The following NAV3 variants were observed in gnomAD, a reference collection of about 807,000 sequenced individuals.
NAV3 encodes neuron navigator 3, also known as pore membrane and/or filament interacting like protein 1.
In NAV3, 87 loss-of-function variants were observed where a neutral mutation model predicts 244.7. The ratio of observed to expected loss-of-function variants is 0.36; its 90% CI spans 0.30 to 0.42. NAV3 has a LOEUF of 0.42. Among genes scored for constraint, NAV3 ranks in the 20% least tolerant of loss-of-function variants. The pLI is 1.00. For missense variants in NAV3, 2,663 were observed against 2,893.3 expected (o/e 0.92, Z 1.83); for synonymous variants, 1,126 against 1,042.2 (o/e 1.08, Z -1.55).
At chr12:78,057,104 C>G (rs1883622072) in intron 11 of NAV3, among the ~76,000 whole-genome samples, 1 of 152,120 alleles carries the variant, frequency 6.6e-6, no homozygotes, top group Non-Finnish European at 1.5e-5. Flanking sequence ...AGAGAAAGGC[C>G]TCTTACTCAT....
At chr12:77,858,038 A>G (rs998272186) in intron 1 of NAV3, among the ~76,000 whole-genome samples, 2 of 152,098 alleles carry the variant, frequency 1.3e-5, no homozygotes, top group Non-Finnish European at 1.5e-5. Flanking sequence ...GAGACAAAAT[A>G]CAATCCATAT....
intron 2 of NAV3, among the ~76,000 whole-genome samples, chr12:77,790,215 A>T (rs12427102): frequency 0.37 from 55,774 of 152,090 alleles, 11,056 homozygotes; most frequent in East Asian, 0.48. Context: ...TACAACTGAG[A>T]TGCACAGTGG....
At chr12:77,735,304 T>C (rs1045248009) in intron 2 of NAV3, among the ~76,000 whole-genome samples, 1 of 152,154 alleles carries the variant, frequency 6.6e-6, no homozygotes, top group African/African-American at 2.4e-5. Flanking sequence ...CCTCTGAGTA[T>C]AAACATTTGG....
At chr12:77,668,798 C>T (rs965611814) in intron 2 of NAV3, among the ~76,000 whole-genome samples, 1 of 152,222 alleles carries the variant, frequency 6.6e-6, no homozygotes, top group Non-Finnish European at 1.5e-5. Context: ...GCTCAAAGAA[C>T]CACCTGGGAA....
At chr12:77,936,368 G>T (rs1180394236) in intron 1 of NAV3, among the ~76,000 whole-genome samples, 1 of 152,108 alleles carries the variant, frequency 6.6e-6, no homozygotes, top group Non-Finnish European at 1.5e-5. Flanking sequence ...TAGATGGGAT[G>T]ATATTTATAT....
At chr12:78,136,123 C>G (rs370074965) in intron 18 of NAV3, among the ~76,000 whole-genome samples, 1 of 152,242 alleles carries the variant, frequency 6.6e-6, no homozygotes, top group East Asian at 1.9e-4. Flanking sequence ...AAGTTTAGTG[C>G]CTGTGTCACA....
intron 3 of NAV3, among the ~76,000 whole-genome samples, chr12:77,945,002 A>G (rs1006769770): frequency 6.6e-6 from 1 of 152,180 alleles, no homozygotes; most frequent in Non-Finnish European, 1.5e-5. Flanking sequence ...GGCATTGATT[A>G]CCTGTATGTG....
At chr12:77,848,744 T>C (rs1395471206) in intron 1 of NAV3, among the ~76,000 whole-genome samples, 2 of 152,194 alleles carry the variant, frequency 1.3e-5, no homozygotes, top group African/African-American at 4.8e-5. Context: ...TGCCTTATTA[T>C]CTGTTGAACA....
chr12:78,097,823 T>G (rs917030526), intron 12 of NAV3, among the ~76,000 whole-genome samples: 5 of 152,148 alleles, frequency 3.3e-5, no homozygotes, highest in African/African-American at 1.2e-4. Flanking sequence ...AGCTTTTTTA[T>G]TTTTACATAA....
chr12:77,581,603 A>G lies in NAV3; in HGVS notation c.72+9337A>G, dbSNP rs144595170. On this transcript the variant is annotated intron_variant, in intron 2 of 8. Transcript: ENST00000550042. ...CTCCAGTATATTCAGACATTTCTAC[A>G]TATTAGCTTGCTAGTTTCCAGTAAA... 7.4e-3 allele frequency among the ~76,000 whole-genome samples: 1,130 copies of G among 152,296 alleles called. 13 individuals are homozygous for G. The highest frequency in any genetic ancestry group is 0.026 in the African/African-American group (1,078 of 41,564).
In NAV3 at chr12:78,028,539, G is replaced by A. The variant is rs1472660546; in HGVS notation, c.2023+6677G>A. ...TACAGGAAGTAAGGATGCCAAGGAC[G>A]GAGTAACTGAGATTGGATGTACTTA... On this transcript the variant is annotated intron_variant, in intron 9 of 39. Coordinates refer to ENST00000397909, the MANE Select transcript of NAV3 (RefSeq NM_001024383.2). Among the ~76,000 whole-genome samples, 8 of 152,244 alleles carry A rather than the reference G, an allele frequency of 5.3e-5. No individual in the cohort carries two copies. The East Asian group carries it at 9.6e-4, about 18-fold the overall frequency.
intron 2 of NAV3, among the ~76,000 whole-genome samples, chr12:77,741,648 A>G (rs1014772346): frequency 1.2e-4 from 19 of 152,166 alleles, no homozygotes; most frequent in African/African-American, 4.6e-4. Flanking sequence ...ATTATTGAAA[A>G]TGTCTTTTTC....
chr12:78,171,480 T>C (rs1957995137), intron 24 of NAV3, among the ~76,000 whole-genome samples: 1 of 151,576 alleles, frequency 6.6e-6, no homozygotes, highest in Non-Finnish European at 1.5e-5. Context: ...AAATAACAGT[T>C]AATATCTAAA....
rs1358671216 is a variant in NAV3 at position 78,148,709 on chromosome 12, T to C, written c.4708-133T>C. ...CTGTGGAGTCAGTGTTCATATCCTTTATTTTCAGGAGTTGCTGCTGATACA... is the reference window on the plus strand; with the variant it reads ...CTGTGGAGTCAGTGTTCATATCCTTCATTTTCAGGAGTTGCTGCTGATACA... On this transcript the variant is annotated intron_variant, in intron 21 of 39. Transcript: ENST00000397909. The C allele has an allele frequency of 4.3e-6, 3 of 694,420 alleles. No homozygotes were observed. The African/African-American group carries it at 5.4e-5, about 13-fold the overall frequency. 43.0% of individuals were successfully genotyped at this position (694,420 alleles called of 1,614,324 possible). A position where few individuals can be genotyped will look rare whatever the true frequency, so the allele number is the denominator to read the frequency against.
intron 2 of NAV3, among the ~76,000 whole-genome samples, chr12:77,575,591 G>T (rs940753343): frequency 6.6e-6 from 1 of 152,070 alleles, no homozygotes; most frequent in African/African-American, 2.4e-5. Context: ...TAATTTTATT[G>T]CTTTGTGGGA....
chr12:78,134,492 G>C (rs1271740889), intron 18 of NAV3, among the ~76,000 whole-genome samples: 1 of 152,134 alleles, frequency 6.6e-6, no homozygotes, highest in African/African-American at 2.4e-5. Flanking sequence ...GTCAAAGTTA[G>C]ATTGCATATG....
At chr12:77,876,987 A>C (rs1881930553) in intron 1 of NAV3, among the ~76,000 whole-genome samples, 1 of 152,268 alleles carries the variant, frequency 6.6e-6, no homozygotes, top group East Asian at 1.9e-4. Flanking sequence ...TCTTAATTTT[A>C]AGTGTAAGAA....
intron 2 of NAV3, among the ~76,000 whole-genome samples, chr12:77,780,936 C>G (rs1169088097): frequency 6.6e-6 from 1 of 152,102 alleles, no homozygotes; most frequent in East Asian, 1.9e-4. Context: ...AGAATTGTAT[C>G]CATGAGGAGT....
intron 2 of NAV3, among the ~76,000 whole-genome samples, chr12:77,592,975 T>C (rs893577729): frequency 2.0e-5 from 3 of 152,166 alleles, no homozygotes; most frequent in Non-Finnish European, 4.4e-5. Context: ...CTAATTCTTC[T>C]TGTGCAGCAG....
Sources: allele counts gnomAD v4.1 joint callset (sites outside exome capture counted in the v4.1 genomes callset), GRCh38; gene constraint gnomAD v4.1.1; transcripts MANE v1.5; gene names NCBI Gene and HGNC (gene_info 2026-07-23, HGNC 2026-07-21).